SULT6B1: variants seen among roughly 807,000 people sequenced by gnomAD.
SULT6B1 encodes the protein sulfotransferase 6B1.
SULT6B1 carries 44 observed loss-of-function variants against 37.2 expected under a neutral mutation model. The ratio of observed to expected loss-of-function variants is 1.18; its 90% CI spans 0.93 to 1.52. The LOEUF is 1.52. Among genes scored for constraint, SULT6B1 ranks in the 40% most tolerant of loss-of-function variants. SULT6B1 has a pLI of 0.00. For missense variants in SULT6B1, 450 were observed against 361.0 expected (o/e 1.25, Z -2.00); for synonymous variants, 140 against 126.0 (o/e 1.11, Z -0.74).
At chr2:37,189,926 G>A (rs1343446051), upstream of SULT6B1, 3 of 152,140 alleles carry the variant, frequency 2.0e-5, no homozygotes, top group Non-Finnish European at 2.9e-5. Context: ...TTGCTAATTC[G>A]GAGGAAAGCA....
chr2:37,187,473 A>G lies in SULT6B1; in HGVS notation c.200-6T>C. 1 of 1,535,502 alleles carries G rather than the reference A, an allele frequency of 6.5e-7. No individual in the cohort carries two copies. ...GTGGAGAATCCAGTTTGAACCTATC[A>G]GAAAAATCAGAGAATAAAAACTCAT... On this transcript the variant is annotated splice_region_variant and splice_polypyrimidine_tract_variant and intron_variant, in intron 1 of 6. Transcript: ENST00000535679.
upstream of SULT6B1, among the ~76,000 whole-genome samples, chr2:37,193,597 A>AAAGAAGAGG (rs1676827630): frequency 3.5e-5 from 4 of 113,796 alleles, no homozygotes; most frequent in African/African-American, 1.4e-4. Context: ...AGAAGAAGAA[A>AAAGAAGAGG]AAGAAGAAGA....
chr2:37,175,012 A>G lies in SULT6B1; in HGVS notation c.624+120T>C, dbSNP rs144599896. On this transcript the variant is annotated intron_variant, in intron 5 of 6. Coordinates refer to ENST00000535679, the MANE Select transcript of SULT6B1 (RefSeq NM_001367551.1). ...TTTCTTTTCCAGCACTGTACCATAT[A>G]TCTGGAATATTTTTAAAAATTGAAC... 226 of 523,058 alleles carry G rather than the reference A, an allele frequency of 4.3e-4. 2 individuals are homozygous for G. In the East Asian group the frequency reaches 5.2e-3, roughly 12 times the overall value. The allele number at this position is 523,058 out of a possible 1,614,324, so 32.4% of individuals were successfully genotyped here. A position where few individuals can be genotyped will look rare whatever the true frequency, so the allele number is the denominator to read the frequency against.
chr2:37,189,032 C>G (rs1676731883), upstream of SULT6B1, among the ~76,000 whole-genome samples: 1 of 152,120 alleles, frequency 6.6e-6, no homozygotes, highest in Non-Finnish European at 1.5e-5. Flanking sequence ...TGATAGATTT[C>G]CACACATATC....
chr2:37,193,242 G>T (rs1018674796), upstream of SULT6B1, among the ~76,000 whole-genome samples: 5 of 150,416 alleles, frequency 3.3e-5, no homozygotes, highest in African/African-American at 1.2e-4. Context: ...GATTGCTTGA[G>T]CTCAGGAGTT....
In SULT6B1 at chr2:37,183,421, T is replaced by G; in HGVS notation, c.402+4A>C. The stretch of plus-strand genomic sequence containing the variant: ...AAGAATTATCAGTAGGAAAGGACAC[T>G]CACCTTGGCTTTATTCTCGAAGATA... On this transcript the variant is annotated splice_donor_region_variant and intron_variant, in intron 3 of 6. Coordinates refer to ENST00000535679, the MANE Select transcript of SULT6B1 (RefSeq NM_001367551.1). The G allele has an allele frequency of 6.2e-7, 1 of 1,611,636 alleles. No homozygotes were observed. The highest frequency in any genetic ancestry group is 1.7e-5 in the Admixed American group (1 of 59,946).
At chr2:37,177,877 A>C (rs1429362718) in intron 4 of SULT6B1, among the ~76,000 whole-genome samples, 4 of 152,342 alleles carry the variant, frequency 2.6e-5, no homozygotes, top group East Asian at 3.9e-4. Flanking sequence ...TAGCCCTCTT[A>C]GAGTGAACTG....
rs560404428 is a variant in SULT6B1 at position 37,168,964 on chromosome 2, G to C, written c.782-899C>G. Among the ~76,000 whole-genome samples the C allele has an allele frequency of 5.3e-5, 8 of 152,252 alleles. No homozygotes were observed. The South Asian group carries it at 1.2e-3, about 24-fold the overall frequency. Reference sequence around the variant, plus strand: ...AGGGAATAAAAGAAAACACAAAACTGTTTACAAATGTCATCAGCTATATAA... The same window carrying C: ...AGGGAATAAAAGAAAACACAAAACTCTTTACAAATGTCATCAGCTATATAA... On this transcript the variant is annotated intron_variant, in intron 6 of 6. Transcript: ENST00000535679.
At chr2:37,187,960 T>C (rs1018839045) in intron 1 of SULT6B1, among the ~76,000 whole-genome samples, 2 of 152,208 alleles carry the variant, frequency 1.3e-5, no homozygotes, top group Admixed American at 1.3e-4. Context: ...ATTCTTCATG[T>C]CTTATTTTCC....
intron 1 of SULT6B1, among the ~76,000 whole-genome samples, chr2:37,195,371 A>T (rs1572472216): frequency 6.6e-6 from 1 of 152,162 alleles, no homozygotes; most frequent in African/African-American, 2.4e-5. Flanking sequence ...CCCTAAATTC[A>T]TATGTTTTTC....
At chr2:37,190,321 A>G (rs1676756477), upstream of SULT6B1, among the ~76,000 whole-genome samples, 2 of 151,954 alleles carry the variant, frequency 1.3e-5, no homozygotes, top group South Asian at 4.1e-4. Flanking sequence ...AATTTTTTTC[A>G]CTGTATTTAC....
At chr2:37,193,507 G>A (rs1418246549), upstream of SULT6B1, among the ~76,000 whole-genome samples, 1 of 150,092 alleles carries the variant, frequency 6.7e-6, no homozygotes, top group Non-Finnish European at 1.5e-5. Flanking sequence ...TGGCATTAAA[G>A]ACACCATGCC....
At position 37,175,217 on chromosome 2, in the gene SULT6B1, C is replaced by A; in HGVS notation, c.539G>T (p.Gly180Val). 1 of 1,579,842 alleles carries A rather than the reference C, an allele frequency of 6.3e-7. No individual in the cohort carries two copies. Among genetic ancestry groups the A allele is most frequent in the Non-Finnish European group, 8.6e-7 (1 of 1,161,600 alleles). ...ATTGATTGCAAAATCAAAATACCTT[C>A]CCCAAGAAACTAAAAACACAGGGGG... The part of the protein sequence containing the change: ...RQFMKGQVSW[G>V]RYFDFAINWN... Residue 180 changes from glycine to valine, a missense_variant, in exon 5 of 7, where the codon GGA (glycine) becomes GTA (valine). By Grantham distance (109) the Gly-to-Val change is moderately radical (BLOSUM62 -3). Coordinates refer to ENST00000535679, the MANE Select transcript of SULT6B1 (RefSeq NM_001367551.1).
At chr2:37,178,055 T>A (rs1309512155) in intron 4 of SULT6B1, among the ~76,000 whole-genome samples, 2 of 152,062 alleles carry the variant, frequency 1.3e-5, no homozygotes, top group East Asian at 3.9e-4. Flanking sequence ...TTTAACTTTT[T>A]TTTTGAGACG....
chr2:37,179,342 T>A (rs1443355257), intron 4 of SULT6B1, 116 bp downstream of exon 4: 2 of 1,324,162 alleles, frequency 1.5e-6, no homozygotes, highest in Non-Finnish European at 2.1e-6. Context: ...TAAATGAAAC[T>A]TTTTGGTTCC....
intron 5 of SULT6B1, among the ~76,000 whole-genome samples, chr2:37,174,443 CT>C (rs1448691840): frequency 6.6e-6 from 1 of 151,794 alleles, no homozygotes; most frequent in African/African-American, 2.4e-5. Context: ...AGTGATCCCC[CT>C]GCCTCAGCCT....
chr2:37,180,703 G>A (rs1319539176), intron 3 of SULT6B1, among the ~76,000 whole-genome samples: 3 of 152,146 alleles, frequency 2.0e-5, no homozygotes, highest in African/African-American at 7.2e-5. Context: ...GGCCAACATG[G>A]GGAAACCCTG....
chr2:37,188,767 C>T (rs1676726742), upstream of SULT6B1: 20 of 500,606 alleles, frequency 4.0e-5, no homozygotes, highest in Non-Finnish European at 7.3e-6. Context: ...ATTTAATTCT[C>T]ATCCACCCCT....
chr2:37,195,640 T>G (rs1676902419), intron 1 of SULT6B1, among the ~76,000 whole-genome samples: 1 of 152,226 alleles, frequency 6.6e-6, no homozygotes, highest in Admixed American at 6.5e-5. Context: ...AGAACTTCGA[T>G]GAAGGTAGAT....
Sources: gnomAD v4.1 joint callset for allele counts (sites outside exome capture counted in the v4.1 genomes callset) on GRCh38, gnomAD v4.1.1 for gene constraint, MANE v1.5 for transcripts, NCBI Gene and HGNC (gene_info 2026-07-23, HGNC 2026-07-21) for gene names.